The following THRB variants were observed in gnomAD, a reference collection of about 807,000 sequenced individuals.
THRB encodes thyroid hormone receptor beta, also known as nuclear receptor subfamily 1 group A member 2.
A neutral mutation model predicts 47.8 loss-of-function variants in THRB; 12 were observed. That is an observed-to-expected ratio of 0.25 (90% CI 0.16 to 0.41). THRB has a LOEUF of 0.41. Ranked by LOEUF, THRB falls within the 10% of genes least tolerant of loss-of-function variation. The pLI is 1.00. For missense variants in THRB, 348 were observed against 589.2 expected (o/e 0.59, Z 4.24); for synonymous variants, 218 against 212.2 (o/e 1.03, Z -0.24).
At chr3:24,394,919 C>G (rs1225051236) in intron 1 of THRB, among the ~76,000 whole-genome samples, 1 of 152,084 alleles carries the variant, frequency 6.6e-6, no homozygotes, top group Non-Finnish European at 1.5e-5. Context: ...AGACTTTATA[C>G]CAGTGTATAG....
intron 1 of THRB, among the ~76,000 whole-genome samples, chr3:24,490,493 C>G (rs1463625711): frequency 3.3e-5 from 5 of 152,308 alleles, no homozygotes; most frequent in African/African-American, 1.2e-4. Context: ...GCCCATGTAC[C>G]AAGCTCTTTG....
chr3:24,329,022 C>T (rs2061753595), intron 2 of THRB, among the ~76,000 whole-genome samples: 1 of 152,038 alleles, frequency 6.6e-6, no homozygotes, highest in African/African-American at 2.4e-5. Context: ...TCATGGCTCA[C>T]TGCAGCCTCC....
In THRB at chr3:24,400,151, C is replaced by T. The variant is rs888948379; in HGVS notation, c.-260-62780G>A. On this transcript the variant is annotated intron_variant, in intron 1 of 10. Coordinates refer to ENST00000646209, the MANE Select transcript of THRB (RefSeq NM_001354712.2). The stretch of plus-strand genomic sequence containing the variant: ...GGTGGTTATTAGTGGATAGGCAACA[C>T]GTTAGTAAACTAATCAGTGTTCCTG... Among the ~76,000 whole-genome samples, 6 of 152,004 alleles carry T rather than the reference C, an allele frequency of 3.9e-5. No individual in the cohort carries two copies. The East Asian group carries it at 7.8e-4, about 20-fold the overall frequency.
intron 1 of THRB, among the ~76,000 whole-genome samples, chr3:24,465,109 T>C (rs2074028181): frequency 6.6e-6 from 1 of 152,202 alleles, no homozygotes; most frequent in African/African-American, 2.4e-5. Flanking sequence ...GCAGTAGTTA[T>C]TTCAGCAAGG....
intron 2 of THRB, among the ~76,000 whole-genome samples, chr3:24,327,070 T>C (rs2061645729): frequency 6.6e-6 from 1 of 152,124 alleles, no homozygotes; most frequent in Non-Finnish European, 1.5e-5. Flanking sequence ...GTCAAAGCTG[T>C]CCATTCTTTA....
chr3:24,126,911 C>T (rs753640449), intron 10 of THRB, among the ~76,000 whole-genome samples: 7 of 152,184 alleles, frequency 4.6e-5, no homozygotes, highest in Non-Finnish European at 8.8e-5. Context: ...GACTCTTTCT[C>T]TTGGAAATCA....
At chr3:24,139,186 C>G (rs543047732) in intron 8 of THRB, among the ~76,000 whole-genome samples, 1 of 152,240 alleles carries the variant, frequency 6.6e-6, no homozygotes, top group South Asian at 2.1e-4. Context: ...TTGGAGAAAA[C>G]TAGAAAATTA....
chr3:24,434,920 G>GTAGC (rs1289288372), intron 1 of THRB, among the ~76,000 whole-genome samples: 1 of 152,174 alleles, frequency 6.6e-6, no homozygotes, highest in African/African-American at 2.4e-5. Context: ...ATTTTACTGT[G>GTAGC]TAGCATTCAG....
chr3:24,375,428 G>GACATATAATATTAATATATTATATTTAT, intron 1 of THRB, among the ~76,000 whole-genome samples: 1 of 139,886 alleles, frequency 7.1e-6, no homozygotes, highest in Admixed American at 7.3e-5. Flanking sequence ...ATTATAGTTA[G>GACATATAATATTAATATATTATATTTAT]ACATATAATA....
At chr3:24,334,638 C>A (rs1215224584) in intron 2 of THRB, among the ~76,000 whole-genome samples, 3 of 152,178 alleles carry the variant, frequency 2.0e-5, no homozygotes, top group Non-Finnish European at 2.9e-5. Flanking sequence ...TCAGCGCCTC[C>A]AGAGGGCCCC....
At chr3:24,261,669 C>T (rs1004846157) in intron 3 of THRB, among the ~76,000 whole-genome samples, 2 of 152,098 alleles carry the variant, frequency 1.3e-5, no homozygotes, top group African/African-American at 2.4e-5. Context: ...ACTTAGTTCT[C>T]TCCCCACTCT....
chr3:24,143,504 G>A lies in THRB; in HGVS notation c.735C>T (p.Phe245=), dbSNP rs3752874. 0.15 allele frequency: 249,137 copies of A among 1,613,814 alleles called. 20,118 individuals are homozygous for A. The highest frequency in any genetic ancestry group is 0.22 in the South Asian group (20,146 of 91,070). The change falls in exon 8 of 11, where the codon TTC becomes TTT. Residue 245 remains phenylalanine (F), a synonymous_variant. Transcript: ENST00000646209. ...QGSHWKQKRK[F]LPEDIGQAPI... ...GATCTGTGCAAGGAAGCCTTACCAG[G>A]AATTTCCGTTTTTGCTTCCAGTGGC...
At chr3:24,332,517 C>T (rs1466378776) in intron 2 of THRB, among the ~76,000 whole-genome samples, 1 of 152,198 alleles carries the variant, frequency 6.6e-6, no homozygotes, top group Non-Finnish European at 1.5e-5. Context: ...TCTATTGCTT[C>T]TCTTCCAAAG....
intron 3 of THRB, among the ~76,000 whole-genome samples, chr3:24,238,454 A>C (rs1353781282): frequency 6.6e-6 from 1 of 152,154 alleles, no homozygotes; most frequent in African/African-American, 2.4e-5. Flanking sequence ...ACAACAAACA[A>C]GAATGTGAAA....
intron 5 of THRB, among the ~76,000 whole-genome samples, chr3:24,171,690 G>A (rs769991723): frequency 1.5e-4 from 23 of 152,098 alleles, no homozygotes; most frequent in South Asian, 4.1e-4. Flanking sequence ...TGGAGGAAAG[G>A]GAGTAAAGGA....
At chr3:24,209,791 T>C (rs1278056133) in intron 4 of THRB, among the ~76,000 whole-genome samples, 1 of 152,038 alleles carries the variant, frequency 6.6e-6, no homozygotes. Flanking sequence ...AACTGCACAT[T>C]GTGCACATGT....
intron 1 of THRB, among the ~76,000 whole-genome samples, chr3:24,381,338 T>C (rs768195866): frequency 6.6e-6 from 1 of 152,194 alleles, no homozygotes; most frequent in East Asian, 1.9e-4. Context: ...AGAAAAGCAC[T>C]TCTAGGAGAG....
At chr3:24,269,698 A>G (rs2053125311) in intron 3 of THRB, among the ~76,000 whole-genome samples, 1 of 151,722 alleles carries the variant, frequency 6.6e-6, no homozygotes, top group African/African-American at 2.4e-5. Context: ...AGCCTCCCAA[A>G]GTGCTGGGAT....
chr3:24,442,510 G>A (rs2071626270), intron 1 of THRB, among the ~76,000 whole-genome samples: 1 of 152,178 alleles, frequency 6.6e-6, no homozygotes, highest in African/African-American at 2.4e-5. Context: ...CTTTTGAGGT[G>A]GCAGGGTCAA....
Sources: gnomAD v4.1 joint callset for allele counts (sites outside exome capture counted in the v4.1 genomes callset) on GRCh38, gnomAD v4.1.1 for gene constraint, MANE v1.5 for transcripts, NCBI Gene and HGNC (gene_info 2026-07-23, HGNC 2026-07-21) for gene names.